The following TENM2 variants were observed in gnomAD, a reference collection of about 807,000 sequenced individuals.
TENM2 encodes teneurin transmembrane protein 2.
Under a neutral mutation model 245.2 loss-of-function variants are expected in TENM2, and 52 were observed. The ratio of observed to expected loss-of-function variants is 0.21; its 90% CI spans 0.17 to 0.27. The LOEUF (loss-of-function observed/expected upper bound fraction) is 0.27. Among genes scored for constraint, TENM2 ranks in the 10% least tolerant of loss-of-function variants. TENM2 has a pLI of 1.00. For synonymous variants in TENM2, 1,363 were observed against 1,438.9 expected, an observed-to-expected ratio of 0.95 and a Z score of 1.19; for missense variants, 3,046 against 3,666.8, an observed-to-expected ratio of 0.83 and a Z score of 4.37.
At chr5:167,210,759 G>A in the TENM2 span, among the ~76,000 whole-genome samples, 42 of 152,212 alleles carry the variant, frequency 2.8e-4, no homozygotes, top group African/African-American at 9.4e-4. Context: ...CACCGCGCCC[G>A]GCCTTCATTG....
the TENM2 span, among the ~76,000 whole-genome samples, chr5:167,167,886 G>A: frequency 6.6e-6 from 1 of 152,110 alleles, no homozygotes; most frequent in African/African-American, 2.4e-5. Context: ...ACAAGACAAA[G>A]CGATAGACAA....
chr5:167,401,033 G>C (rs1386732327), intron 2 of TENM2, among the ~76,000 whole-genome samples: 1 of 152,048 alleles, frequency 6.6e-6, no homozygotes, highest in Non-Finnish European at 1.5e-5. Context: ...TGAGGCTGCA[G>C]TAAACTGTGA....
At chr5:168,167,352 A>G (rs1281286818) in intron 13 of TENM2, among the ~76,000 whole-genome samples, 1 of 151,970 alleles carries the variant, frequency 6.6e-6, no homozygotes, top group Non-Finnish European at 1.5e-5. Flanking sequence ...GCCTGGTGAG[A>G]CAGTCCTTAC....
At position 167,386,538 on chromosome 5, in the gene TENM2, T is replaced by C. The variant is rs546243322; in HGVS notation, c.502+11065T>C. ...AGTTTAATTAAGTCTCAGTTACCTA[T>C]CTTTGTTTTTATTGCATTTGCTTTT... On this transcript the variant is annotated intron_variant, in intron 2 of 28. Coordinates refer to ENST00000518659, the Ensembl canonical transcript of TENM2. Among the ~76,000 whole-genome samples the C allele has an allele frequency of 1.2e-3, 186 of 152,300 alleles. 1 individual carries two copies. Among genetic ancestry groups the C allele is most frequent in the Non-Finnish European group, 2.3e-3 (157 of 68,012 alleles).
chr5:168,160,030 G>C (rs1304029786), intron 12 of TENM2, among the ~76,000 whole-genome samples: 1 of 152,142 alleles, frequency 6.6e-6, no homozygotes. Flanking sequence ...TCAGACATGA[G>C]ACCTCAAAGT....
chr5:167,959,233 C>T (rs1394626048), intron 4 of TENM2, among the ~76,000 whole-genome samples: 4 of 145,616 alleles, frequency 2.7e-5, no homozygotes, highest in African/African-American at 7.6e-5. Context: ...CTCGCTCTGT[C>T]GCCCAGGCTG....
chr5:168,214,776 G>C (rs144913942), intron 20 of TENM2: 5 of 553,396 alleles, frequency 9.0e-6, no homozygotes, highest in Admixed American at 6.6e-5. Context: ...GGGAGCTCTC[G>C]TACTGGCTAA....
intron 2 of TENM2, among the ~76,000 whole-genome samples, chr5:167,551,123 A>G (rs1183311718): frequency 6.6e-6 from 1 of 152,180 alleles, no homozygotes; most frequent in Non-Finnish European, 1.5e-5. Flanking sequence ...TATAATCAAA[A>G]TTACTTATGA....
intron 2 of TENM2, among the ~76,000 whole-genome samples, chr5:167,843,870 T>C (rs191743334): frequency 1.3e-5 from 2 of 152,300 alleles, no homozygotes; most frequent in East Asian, 3.9e-4. Flanking sequence ...ACACTTGAAA[T>C]TGCTACTTTG....
chr5:167,996,191 C>A (rs1314228052), intron 5 of TENM2, among the ~76,000 whole-genome samples: 1 of 152,060 alleles, frequency 6.6e-6, no homozygotes, highest in Admixed American at 6.6e-5. Context: ...AGATCCAGGC[C>A]CGTGGGCGGG....
chr5:168,174,758 A>C (rs907590886), intron 13 of TENM2, among the ~76,000 whole-genome samples: 3 of 152,208 alleles, frequency 2.0e-5, no homozygotes, highest in Non-Finnish European at 4.4e-5. Flanking sequence ...TGGCCACTTC[A>C]TTAGCATATG....
At chr5:167,016,055 C>A in the TENM2 span, among the ~76,000 whole-genome samples, 11 of 151,900 alleles carry the variant, frequency 7.2e-5, no homozygotes, top group African/African-American at 2.7e-4. Flanking sequence ...GAGATCGAGA[C>A]CATCCTAGCT....
intron 13 of TENM2, among the ~76,000 whole-genome samples, chr5:168,181,414 G>A (rs966554106): frequency 6.6e-5 from 10 of 152,146 alleles, no homozygotes; most frequent in Admixed American, 3.3e-4. Context: ...TAAGCAGCCC[G>A]TGCTTTTTTT....
chr5:167,645,306 A>G (rs938917209), intron 2 of TENM2, among the ~76,000 whole-genome samples: 2 of 152,172 alleles, frequency 1.3e-5, no homozygotes, highest in African/African-American at 2.4e-5. Flanking sequence ...GACCGGGTGA[A>G]GGAGGAATCA....
At chr5:167,408,907 C>T (rs565038353) in intron 2 of TENM2, among the ~76,000 whole-genome samples, 16 of 149,820 alleles carry the variant, frequency 1.1e-4, no homozygotes, top group African/African-American at 3.7e-4. Context: ...GTGTTTTAGA[C>T]CTGTATGCTT....
At chr5:167,519,809 A>G (rs536153292) in intron 2 of TENM2, among the ~76,000 whole-genome samples, 9 of 152,230 alleles carry the variant, frequency 5.9e-5, no homozygotes, top group Non-Finnish European at 1.2e-4. Flanking sequence ...TTAAACACAC[A>G]CAAACATCTC....
the TENM2 span, among the ~76,000 whole-genome samples, chr5:167,240,518 A>G: frequency 6.6e-6 from 1 of 152,200 alleles, no homozygotes; most frequent in Non-Finnish European, 1.5e-5. Flanking sequence ...GCCCAACTCT[A>G]AGTAGCCAAT....
intron 2 of TENM2, among the ~76,000 whole-genome samples, chr5:167,814,568 A>G (rs1766894875): frequency 6.6e-6 from 1 of 151,552 alleles, no homozygotes; most frequent in African/African-American, 2.4e-5. Context: ...CCATGTACCA[A>G]TCTGTGTGGT....
At position 168,203,696 on chromosome 5, in the gene TENM2, C is replaced by G. The variant is rs1025495074; in HGVS notation, c.3438C>G (p.Val1146=). The G allele has an allele frequency of 1.9e-6, 3 of 1,605,874 alleles. No individual in the cohort carries two copies. The African/African-American group carries it at 4.0e-5, about 21-fold the overall frequency. ...ACCCCTTTTATCTTTCAGTGTCTGT[C>G]GGGTTTGAATATGAGACCTGTCCCA... The change falls in exon 18 of 29, where the codon GTC becomes GTG. Residue 1146 remains valine, a synonymous_variant. Coordinates refer to ENST00000518659, the Ensembl canonical transcript of TENM2.
Sources: gnomAD v4.1 joint callset for allele counts (sites outside exome capture counted in the v4.1 genomes callset) on GRCh38, gnomAD v4.1.1 for gene constraint, MANE v1.5 for transcripts, NCBI Gene and HGNC (gene_info 2026-07-23, HGNC 2026-07-21) for gene names.